The following KCTD16 variants were observed in gnomAD, a reference collection of about 807,000 sequenced individuals.
The protein encoded by KCTD16 is potassium channel tetramerization domain containing 16.
Under a neutral mutation model 33.2 loss-of-function variants are expected in KCTD16, and 13 were observed. The ratio of observed to expected loss-of-function variants is 0.39; its 90% CI spans 0.25 to 0.62. The LOEUF (loss-of-function observed/expected upper bound fraction) is 0.62. Ranked by LOEUF, KCTD16 falls within the 20% of genes least tolerant of loss-of-function variation. The pLI is 0.50. For missense variants in KCTD16, 441 were observed against 525.1 expected (o/e 0.84, Z 1.57); for synonymous variants, 197 against 195.3 (o/e 1.01, Z -0.07).
intron 3 of KCTD16, among the ~76,000 whole-genome samples, chr5:144,323,994 A>G (rs545653038): frequency 6.6e-6 from 1 of 152,164 alleles, no homozygotes; most frequent in African/African-American, 2.4e-5. Flanking sequence ...GAGATTTAAG[A>G]TACTTGGTTA....
chr5:144,340,448 G>C (rs997296384), intron 3 of KCTD16, among the ~76,000 whole-genome samples: 1 of 151,482 alleles, frequency 6.6e-6, no homozygotes, highest in African/African-American at 2.4e-5. Context: ...GGCAGAGTTG[G>C]AGAGGGGGAG....
At chr5:144,287,856 G>T (rs1359518836) in intron 3 of KCTD16, among the ~76,000 whole-genome samples, 2 of 151,892 alleles carry the variant, frequency 1.3e-5, no homozygotes. Context: ...AGCTTGTCTC[G>T]AACTCCTGAC....
chr5:144,345,431 A>G (rs1034217904), intron 3 of KCTD16, among the ~76,000 whole-genome samples: 11 of 152,190 alleles, frequency 7.2e-5, no homozygotes, highest in Non-Finnish European at 2.9e-5. Context: ...GGCTGCCTAC[A>G]TATTAGATAT....
At position 144,299,206 on chromosome 5, in the gene KCTD16, T is replaced by C. The variant is rs376255372; in HGVS notation, c.832+91660T>C. ...TGTTTAATGTTGCCCGGAGTTCCTG[T>C]GCAATATACCACTAACACTTTGACA... On this transcript the variant is annotated intron_variant, in intron 3 of 3. Transcript: ENST00000512467. Among the ~76,000 whole-genome samples, 18 of 134,842 alleles carry C rather than the reference T, an allele frequency of 1.3e-4. No homozygotes were observed. The East Asian group carries it at 3.9e-3, about 29-fold the overall frequency. 88.5% of individuals were successfully genotyped at this position (134,842 alleles called of 152,430 possible).
intron 3 of KCTD16, among the ~76,000 whole-genome samples, chr5:144,222,520 C>A (rs1007887717): frequency 2.6e-5 from 4 of 151,902 alleles, no homozygotes; most frequent in African/African-American, 7.3e-5. Context: ...ACATTTATGC[C>A]GCCAACAGAC....
intron 3 of KCTD16, among the ~76,000 whole-genome samples, chr5:144,417,754 T>G (rs1753100422): frequency 6.6e-6 from 1 of 152,154 alleles, no homozygotes; most frequent in South Asian, 2.1e-4. Context: ...CATTGATCCT[T>G]TTGAGTTTTT....
Position 144,484,465 on chromosome 5 carries a change from C to T in KCTD16, c.*10351C>T, listed in dbSNP as rs1039559748. On this transcript the variant is annotated 3_prime_UTR_variant, in exon 4 of 4. Transcript: ENST00000512467. ...GTCTTTCAAAACCAGAGCACTGGGT[C>T]GAACCTAACCCACAAAATAATTCGT... is the stretch of plus-strand genomic sequence containing the variant. 5.3e-5 allele frequency: 8 copies of T among 151,884 alleles called. No individual in the cohort carries two copies. The highest frequency in any genetic ancestry group is 1.2e-4 in the African/African-American group (5 of 41,400). The allele number at this position is 151,884 out of a possible 1,614,324, so 9.4% of individuals were successfully genotyped here.
At chr5:144,337,116 A>G (rs936654106) in intron 3 of KCTD16, among the ~76,000 whole-genome samples, 2 of 151,970 alleles carry the variant, frequency 1.3e-5, no homozygotes, top group African/African-American at 4.8e-5. Context: ...GGGTTGGTGT[A>G]TCATATTCAT....
chr5:144,424,180 C>T (rs866868359), intron 3 of KCTD16, among the ~76,000 whole-genome samples: 2 of 152,264 alleles, frequency 1.3e-5, no homozygotes, highest in African/African-American at 2.4e-5. Context: ...TAAACTCAGA[C>T]CTATCATTTT....
chr5:144,427,552 T>TA (rs1343900605), intron 3 of KCTD16, among the ~76,000 whole-genome samples: 4 of 152,028 alleles, frequency 2.6e-5, no homozygotes, highest in Non-Finnish European at 5.9e-5. Context: ...TATTTCTTTT[T>TA]AAAAAAATTG....
chr5:144,456,622 C>A (rs1296424243), intron 3 of KCTD16, among the ~76,000 whole-genome samples: 1 of 152,152 alleles, frequency 6.6e-6, no homozygotes, highest in African/African-American at 2.4e-5. Flanking sequence ...GTTTATTATT[C>A]ATTTTGTTAA....
At chr5:144,365,477 G>T (rs763534287) in intron 3 of KCTD16, among the ~76,000 whole-genome samples, 4 of 152,164 alleles carry the variant, frequency 2.6e-5, no homozygotes, top group Admixed American at 6.5e-5. Flanking sequence ...AGCACATGTT[G>T]CTTGAACATT....
intron 3 of KCTD16, among the ~76,000 whole-genome samples, chr5:144,272,802 TC>T (rs1274308572): frequency 6.6e-6 from 1 of 152,054 alleles, no homozygotes; most frequent in South Asian, 2.1e-4. Context: ...TTCCAGCTCT[TC>T]CCCAACACCA....
At chr5:144,299,148 ATTTTTT>A (rs369343270) in intron 3 of KCTD16, among the ~76,000 whole-genome samples, 174 of 14,034 alleles carry the variant, frequency 0.012, 1 homozygote, top group Non-Finnish European at 0.015. Flanking sequence ...ATATATATAT[ATTTTTT>A]TTTTTTTTTT....
At chr5:144,246,587 G>T (rs1754554819) in intron 3 of KCTD16, among the ~76,000 whole-genome samples, 2 of 152,030 alleles carry the variant, frequency 1.3e-5, no homozygotes, top group African/African-American at 2.4e-5. Flanking sequence ...TGGATATAGG[G>T]TATTGTGTAC....
In KCTD16 at chr5:144,173,336, A is replaced by G. The variant is rs923405592; in HGVS notation, c.-492-971A>G. 2.6e-5 allele frequency among the ~76,000 whole-genome samples: 4 copies of G among 152,252 alleles called. No homozygotes were observed. In the East Asian group the frequency reaches 7.7e-4, roughly 29 times the overall value. On this transcript the variant is annotated intron_variant, in intron 1 of 3. Transcript: ENST00000512467. ...ATGAGGTAATGTCCTTTGCAGGGACATAGATGGAGCTGCAGGACATTATCC... is the reference window on the plus strand; with the variant it reads ...ATGAGGTAATGTCCTTTGCAGGGACGTAGATGGAGCTGCAGGACATTATCC...
At chr5:144,351,423 G>A (rs1751430329) in intron 3 of KCTD16, among the ~76,000 whole-genome samples, 1 of 152,176 alleles carries the variant, frequency 6.6e-6, no homozygotes, top group South Asian at 2.1e-4. Flanking sequence ...AGGATGTGGG[G>A]AAAAGGAAAC....
At chr5:144,177,943 T>A (rs1752540702) in intron 2 of KCTD16, among the ~76,000 whole-genome samples, 1 of 152,234 alleles carries the variant, frequency 6.6e-6, no homozygotes, top group Admixed American at 6.5e-5. Context: ...CAGCTATTCA[T>A]GTCAATGTCA....
At chr5:144,472,972 G>T (rs1040196597) in intron 3 of KCTD16, among the ~76,000 whole-genome samples, 23 of 152,302 alleles carry the variant, frequency 1.5e-4, no homozygotes, top group East Asian at 5.8e-4. Context: ...CTTTCAAATT[G>T]TACAAACTCT....
Sources: gnomAD v4.1 joint callset for allele counts (sites outside exome capture counted in the v4.1 genomes callset) on GRCh38, gnomAD v4.1.1 for gene constraint, MANE v1.5 for transcripts, NCBI Gene and HGNC (gene_info 2026-07-23, HGNC 2026-07-21) for gene names.